The following LMBRD2 variants were observed in gnomAD, a reference collection of about 807,000 sequenced individuals.
LMBRD2 encodes LMBR1 domain containing 2.
A neutral mutation model predicts 94.4 loss-of-function variants in LMBRD2; 55 were observed. The observed-to-expected ratio is 0.58, with a 90% CI of 0.47 to 0.73. LMBRD2 has a LOEUF of 0.73. Among genes scored for constraint, LMBRD2 ranks in the 30% least tolerant of loss-of-function variants. The pLI is 0.00. For missense variants in LMBRD2, 640 were observed against 831.9 expected, an observed-to-expected ratio of 0.77 and a Z score of 2.84; for synonymous variants, 246 against 272.4, an observed-to-expected ratio of 0.90 and a Z score of 0.95.
chr5:36,105,044 T>A (rs1259792507), intron 17 of LMBRD2, 24 bp downstream of exon 17: 1 of 1,609,042 alleles, frequency 6.2e-7, no homozygotes, highest in East Asian at 2.2e-5. Flanking sequence ...ATGCTAGAGC[T>A]AAAATGTCAC....
intron 14 of LMBRD2, among the ~76,000 whole-genome samples, chr5:36,110,689 A>AAT (rs1398547241): frequency 1.3e-5 from 2 of 152,024 alleles, no homozygotes; most frequent in East Asian, 3.9e-4. Flanking sequence ...CAGTAAATTT[A>AAT]ATACACTCAG....
intron 3 of LMBRD2, among the ~76,000 whole-genome samples, chr5:36,141,700 T>C (rs962901245): frequency 1.3e-5 from 2 of 152,110 alleles, no homozygotes; most frequent in Admixed American, 6.6e-5. Context: ...TGGAGATGCA[T>C]GCTAGCAATT....
At chr5:36,114,978 G>GT in intron 12 of LMBRD2, 37 bp downstream of exon 12, 3 of 1,320,880 alleles carry the variant, frequency 2.3e-6, no homozygotes, top group Non-Finnish European at 3.3e-6. Context: ...CATATAGATA[G>GT]TGAACCTAAG....
At chr5:36,110,331 C>T (rs984521358) in intron 14 of LMBRD2, among the ~76,000 whole-genome samples, 5 of 152,016 alleles carry the variant, frequency 3.3e-5, no homozygotes, top group African/African-American at 1.2e-4. Flanking sequence ...CTGTATGAGT[C>T]GCTTTCCTTG....
chr5:36,128,541 T>C (rs1436520966), intron 6 of LMBRD2, among the ~76,000 whole-genome samples: 2 of 151,938 alleles, frequency 1.3e-5, no homozygotes, highest in African/African-American at 4.8e-5. Flanking sequence ...GGCAACATGG[T>C]GAAACCCTGT....
At chr5:36,140,923 T>C (rs546412101) in intron 4 of LMBRD2, 184 bp downstream of exon 4, 97 of 450,800 alleles carry the variant, frequency 2.2e-4, no homozygotes, top group African/African-American at 1.9e-3. Flanking sequence ...TGTTTGCAGA[T>C]CTAAGAGATG....
chr5:36,108,640 C>G lies in LMBRD2; in HGVS notation c.1792-1G>C. Reference sequence around the variant, plus strand: ...TGTGTCCATAACGTTCTTTCCATTCCTAGAAAAGAAGCACAAATAATCATA... The same window carrying G: ...TGTGTCCATAACGTTCTTTCCATTCGTAGAAAAGAAGCACAAATAATCATA... On this transcript the variant is annotated splice_acceptor_variant, in intron 15 of 17. Transcript: ENST00000296603. LOFTEE classifies it high-confidence loss of function. 6.9e-7 allele frequency: 1 copy of G among 1,441,926 alleles called. No homozygotes were observed. The highest frequency in any genetic ancestry group is 9.5e-7 in the Non-Finnish European group (1 of 1,053,452). 89.3% of individuals were successfully genotyped at this position (1,441,926 alleles called of 1,614,324 possible).
At chr5:36,125,507 G>A (rs1743988230) in intron 6 of LMBRD2, among the ~76,000 whole-genome samples, 1 of 152,070 alleles carries the variant, frequency 6.6e-6, no homozygotes, top group Non-Finnish European at 1.5e-5. Context: ...GCCAATAAAT[G>A]TCTAAAAAGA....
At position 36,136,459 on chromosome 5, in the gene LMBRD2, C is replaced by T. The variant is rs1456915421; in HGVS notation, c.597G>A (p.Val199=). ...CCACCAAGCCATACCCCAACAACAA[C>T]ACAAGAAGAAACAGACCCCATGTAT... ...AANTWGLFLL[V]LLLGYGLVEI... The change falls in exon 6 of 18, where the codon GTG becomes GTA. Residue 199 remains valine, a synonymous_variant. Coordinates refer to ENST00000296603, the MANE Select transcript of LMBRD2 (RefSeq NM_001007527.2). 5 of 1,613,890 alleles carry T rather than the reference C, an allele frequency of 3.1e-6. No individual in the cohort carries two copies. The South Asian group carries it at 3.3e-5, about 11-fold the overall frequency.
rs1253295640 is a variant in LMBRD2, at chr5:36,101,587, A to T, written c.*2459T>A. 1.3e-5 allele frequency: 2 copies of T among 151,956 alleles called. No homozygotes were observed. Among genetic ancestry groups the T allele is most frequent in the Non-Finnish European group, 2.9e-5 (2 of 67,860 alleles). 9.4% of individuals were successfully genotyped at this position (151,956 alleles called of 1,614,324 possible). ...TTTTTTACACAGGGTGGCTTGACAAATATTAACTTGGTTCCCCAGCAATAA... is the reference window on the plus strand; with the variant it reads ...TTTTTTACACAGGGTGGCTTGACAATTATTAACTTGGTTCCCCAGCAATAA... On this transcript the variant is annotated 3_prime_UTR_variant, in exon 18 of 18. Transcript: ENST00000296603.
At chr5:36,140,340 TG>T (rs1744375169) in intron 4 of LMBRD2, among the ~76,000 whole-genome samples, 1 of 152,210 alleles carries the variant, frequency 6.6e-6, no homozygotes, top group African/African-American at 2.4e-5. Context: ...GGCTCGCCCT[TG>T]GGAGTCATGA....
intron 9 of LMBRD2, among the ~76,000 whole-genome samples, 191 bp from the exon 10 acceptor site, chr5:36,118,107 C>T (rs895267169): frequency 6.6e-6 from 1 of 152,064 alleles, no homozygotes; most frequent in Admixed American, 6.5e-5. Flanking sequence ...CATCATGTGC[C>T]TCCTGCTATG....
chr5:36,112,627 T>G (rs1743639103), intron 13 of LMBRD2, among the ~76,000 whole-genome samples: 1 of 152,120 alleles, frequency 6.6e-6, no homozygotes, highest in African/African-American at 2.4e-5. Flanking sequence ...GCACTCAAAG[T>G]TTATCCTGAT....
At position 36,135,760 on chromosome 5, in the gene LMBRD2, A is replaced by C. The variant is rs564829993; in HGVS notation, c.747+549T>G. On this transcript the variant is annotated intron_variant, in intron 6 of 17. Transcript: ENST00000296603. ...TAATTTGTTGTATATTTTTATGTAC[A>C]GTATTGAAAGTTATACTTTCAACAA... Among the ~76,000 whole-genome samples, 7 of 152,326 alleles carry C rather than the reference A, an allele frequency of 4.6e-5. No individual in the cohort carries two copies. The East Asian group carries it at 1.3e-3, about 29-fold the overall frequency.
intron 6 of LMBRD2, among the ~76,000 whole-genome samples, chr5:36,126,561 C>A (rs1744012314): frequency 6.6e-6 from 1 of 152,144 alleles, no homozygotes; most frequent in Non-Finnish European, 1.5e-5. Flanking sequence ...AAAAAAGTAG[C>A]TGTTTCTCCC....
rs1743593683 is a variant in LMBRD2, at chr5:36,111,116, A to T, written c.1744+39T>A. ...TTTTGTATTTTGAGTCTTAGCACTT[A>T]GTATTTTCCCTTCATTTATTTTAAA... On this transcript the variant is annotated intron_variant, in intron 14 of 17. Transcript: ENST00000296603. 3 of 1,172,244 alleles carry T rather than the reference A, an allele frequency of 2.6e-6. No homozygotes were observed. The African/African-American group carries it at 4.6e-5, about 18-fold the overall frequency. 72.6% of individuals were successfully genotyped at this position (1,172,244 alleles called of 1,614,324 possible).
Position 36,142,556 on chromosome 5 carries a change from G to A in LMBRD2, c.218C>T (p.Pro73Leu), listed in dbSNP as rs751500190. The A allele has an allele frequency of 1.2e-6, 2 of 1,611,966 alleles. No individual in the cohort carries two copies. The highest frequency in any genetic ancestry group is 1.7e-6 in the Non-Finnish European group (2 of 1,178,144). The stretch of plus-strand genomic sequence containing the variant: ...TCCTGTAATGTTGCTATTCTCAGGA[G>A]GGCTTGAATTTGCAGCAGCATGCTT... ...RCKHAAANSSPPENSNITGLY... is the reference protein window; with the variant it reads ...RCKHAAANSSLPENSNITGLY... Residue 73 changes from proline to leucine, a missense_variant, in exon 3 of 18, where the codon CCT (proline) becomes CTT (leucine). By Grantham distance (98) the Pro-to-Leu change is moderately conservative. Around this residue, in one of 2 missense-constraint regions of LMBRD2, gnomAD observed 457 missense variants for 642.8 expected, o/e 0.71. Coordinates refer to ENST00000296603, the MANE Select transcript of LMBRD2 (RefSeq NM_001007527.2).
chr5:36,106,819 A>G (rs1743484403), intron 16 of LMBRD2, among the ~76,000 whole-genome samples: 1 of 152,060 alleles, frequency 6.6e-6, no homozygotes, highest in Admixed American at 6.6e-5. Context: ...GGAGAATGAC[A>G]ATATCTGTTC....
At chr5:36,141,630 G>A (rs1164702253) in intron 3 of LMBRD2, among the ~76,000 whole-genome samples, 1 of 151,000 alleles carries the variant, frequency 6.6e-6, no homozygotes. Flanking sequence ...GAAAACATTA[G>A]GTAATTAATT....
Sources: allele counts gnomAD v4.1 joint callset (sites outside exome capture counted in the v4.1 genomes callset), GRCh38; gene constraint gnomAD v4.1.1; regional missense constraint gnomAD v4.1.1; transcripts MANE v1.5; gene names NCBI Gene and HGNC (gene_info 2026-07-23, HGNC 2026-07-21).